Variants in TAB2 observed in about 807,000 individuals in gnomAD.
TAB2 encodes TGF-beta activated kinase 1 (MAP3K7) binding protein 2, also known as TGF-beta-activated kinase 1 and MAP3K7-binding protein 2.
In TAB2, 3 loss-of-function variants were observed where a neutral mutation model predicts 65.0. That is an observed-to-expected ratio of 0.05 (90% CI 0.02 to 0.12). The LOEUF is 0.12. TAB2 is among the 10% of genes least tolerant of loss of function. The pLI is 1.00. For synonymous variants in TAB2, 298 were observed against 285.1 expected, an observed-to-expected ratio of 1.05 and a Z score of -0.46; for missense variants, 623 against 840.3, an observed-to-expected ratio of 0.74 and a Z score of 3.20.
At chr6:149,306,756 A>G (rs887680963) in intron 1 of TAB2, among the ~76,000 whole-genome samples, 19 of 152,126 alleles carry the variant, frequency 1.2e-4, no homozygotes, top group African/African-American at 4.3e-4. Context: ...CGTCTCAAAA[A>G]AGAAAACTTG....
At chr6:149,270,041 C>T (rs1028781107) in intron 1 of TAB2, among the ~76,000 whole-genome samples, 1 of 152,218 alleles carries the variant, frequency 6.6e-6, no homozygotes, top group African/African-American at 2.4e-5. Flanking sequence ...AGGGCTGTGC[C>T]ATTTTGCAGC....
At chr6:149,272,578 C>A (rs1778383247) in intron 1 of TAB2, among the ~76,000 whole-genome samples, 1 of 152,182 alleles carries the variant, frequency 6.6e-6, no homozygotes, top group Non-Finnish European at 1.5e-5. Flanking sequence ...CTGCTGCCTC[C>A]TTCTTACAAG....
intron 1 of TAB2, among the ~76,000 whole-genome samples, chr6:149,290,266 A>T (rs1405696924): frequency 1.3e-5 from 2 of 152,150 alleles, no homozygotes; most frequent in Non-Finnish European, 2.9e-5. Context: ...GGAGAGGCTT[A>T]ACACTGCTTT....
chr6:149,295,700 G>T (rs1018718256), intron 1 of TAB2, among the ~76,000 whole-genome samples: 13 of 151,970 alleles, frequency 8.6e-5, no homozygotes, highest in African/African-American at 2.9e-4. Context: ...GCTTTTGGTA[G>T]TTACATTTGA....
intron 1 of TAB2, among the ~76,000 whole-genome samples, chr6:149,219,752 C>T (rs1303067008): frequency 6.6e-6 from 1 of 152,208 alleles, no homozygotes; most frequent in Non-Finnish European, 1.5e-5. Context: ...CATATCCTGA[C>T]TGGCCAGATT....
At chr6:149,395,787 T>C (rs1221681248) in intron 3 of TAB2, among the ~76,000 whole-genome samples, 3 of 152,198 alleles carry the variant, frequency 2.0e-5, no homozygotes, top group African/African-American at 7.2e-5. Context: ...TGAGTAGTTA[T>C]TTCAGCAGCT....
chr6:149,337,039 T>C (rs1189769835), intron 1 of TAB2, among the ~76,000 whole-genome samples: 1 of 152,204 alleles, frequency 6.6e-6, no homozygotes, highest in Non-Finnish European at 1.5e-5. Context: ...CGTATATCTT[T>C]TATTACTAAT....
intron 1 of TAB2, among the ~76,000 whole-genome samples, chr6:149,276,061 T>C (rs995350155): frequency 6.6e-6 from 1 of 152,178 alleles, no homozygotes; most frequent in African/African-American, 2.4e-5. Flanking sequence ...GTTCATATAG[T>C]AACAAATACG....
At chr6:149,240,191 G>T (rs1395526929) in intron 1 of TAB2, among the ~76,000 whole-genome samples, 1 of 152,138 alleles carries the variant, frequency 6.6e-6, no homozygotes, top group African/African-American at 2.4e-5. Context: ...CTCGGCTCAG[G>T]GCCTTACCCA....
intron 1 of TAB2, among the ~76,000 whole-genome samples, chr6:149,325,266 T>TA (rs551258845): frequency 1.2e-4 from 19 of 152,222 alleles, no homozygotes; most frequent in Non-Finnish European, 2.2e-4. Flanking sequence ...GATATAGTAA[T>TA]ACCTACCTTA....
chr6:149,354,143 A>G (rs182300302), intron 1 of TAB2, among the ~76,000 whole-genome samples: 10 of 152,346 alleles, frequency 6.6e-5, no homozygotes, highest in African/African-American at 2.2e-4. Context: ...AGCTTCTGCT[A>G]TCCAAAGTGT....
At chr6:149,316,983 G>A (rs1156615311), upstream of TAB2, among the ~76,000 whole-genome samples, 3 of 151,374 alleles carry the variant, frequency 2.0e-5, no homozygotes, top group East Asian at 5.8e-4. Context: ...GCAGCGACCC[G>A]GCGCCAGCCT....
At chr6:149,402,958 G>T (rs1003397492) in intron 6 of TAB2, among the ~76,000 whole-genome samples, 5 of 152,008 alleles carry the variant, frequency 3.3e-5, no homozygotes, top group African/African-American at 9.7e-5. Context: ...TCTCAGGCCG[G>T]GCACACTGGC....
chr6:149,270,027 C>T lies in TAB2; in HGVS notation c.-121+51251C>T, dbSNP rs188093043. On this transcript the variant is annotated intron_variant, in intron 1 of 1. Coordinates refer to the TAB2 transcript ENST00000606202. ...TTACAAAAAGCTGCCAAACTGTTTTCCAAAGGGCTGTGCCATTTTGCAGCC... is the reference window on the plus strand; with the variant it reads ...TTACAAAAAGCTGCCAAACTGTTTTTCAAAGGGCTGTGCCATTTTGCAGCC... Among the ~76,000 whole-genome samples, 308 of 152,314 alleles carry T rather than the reference C, an allele frequency of 2.0e-3. 2 individuals carry two copies. The highest frequency in any genetic ancestry group is 3.3e-3 in the Non-Finnish European group (225 of 68,018).
intron 1 of TAB2, among the ~76,000 whole-genome samples, chr6:149,232,132 G>A (rs1421928324): frequency 6.6e-6 from 1 of 152,162 alleles, no homozygotes; most frequent in Non-Finnish European, 1.5e-5. Flanking sequence ...TGATTGGGGA[G>A]GTGTTCCTTA....
At chr6:149,227,395 T>C (rs541151575) in intron 1 of TAB2, among the ~76,000 whole-genome samples, 34 of 152,250 alleles carry the variant, frequency 2.2e-4, no homozygotes, top group Non-Finnish European at 4.4e-4. Flanking sequence ...ATCTGACCCC[T>C]TGATGTCCCA....
chr6:149,267,676 C>T (rs1054951806), intron 1 of TAB2, among the ~76,000 whole-genome samples: 2 of 151,934 alleles, frequency 1.3e-5, no homozygotes, highest in African/African-American at 4.8e-5. Context: ...CATCGTTGTG[C>T]GGACATCATA....
intron 1 of TAB2, chr6:149,244,893 A>C (rs1323615549): frequency 6.6e-6 from 1 of 152,146 alleles, no homozygotes; most frequent in Non-Finnish European, 1.5e-5. Context: ...AAAAAAAAAA[A>C]AACAACAAGA....
intron 1 of TAB2, among the ~76,000 whole-genome samples, chr6:149,361,949 A>G (rs1312318350): frequency 1.3e-5 from 2 of 152,184 alleles, no homozygotes; most frequent in South Asian, 2.1e-4. Context: ...TCTGGTTCCT[A>G]TAAGTTCTTG....
Sources: allele counts gnomAD v4.1 joint callset (sites outside exome capture counted in the v4.1 genomes callset), GRCh38; gene constraint gnomAD v4.1.1; transcripts MANE v1.5; gene names NCBI Gene and HGNC (gene_info 2026-07-23, HGNC 2026-07-21).